The following TMEM117 variants were observed in gnomAD, a reference collection of about 807,000 sequenced individuals.
The protein encoded by TMEM117 is transmembrane protein 117.
TMEM117 carries 27 observed loss-of-function variants against 52.4 expected under a neutral mutation model. The observed-to-expected ratio is 0.51, with a 90% CI of 0.38 to 0.71. The LOEUF (loss-of-function observed/expected upper bound fraction) is 0.71. Among genes scored for constraint, TMEM117 ranks in the 30% least tolerant of loss-of-function variants. The probability of loss-of-function intolerance (pLI) is 0.00; values close to 1 mark genes in which losing one functional copy is unlikely to be tolerated. For synonymous variants in TMEM117, 215 were observed against 206.3 expected (o/e 1.04, Z -0.36); for missense variants, 556 against 630.5 (o/e 0.88, Z 1.26).
At chr12:44,233,817 A>G (rs189208680) in intron 5 of TMEM117, among the ~76,000 whole-genome samples, 29 of 151,550 alleles carry the variant, frequency 1.9e-4, no homozygotes, top group African/African-American at 5.8e-4. Flanking sequence ...TATTAGGTGA[A>G]TATATGCAAG....
At chr12:44,231,756 C>G (rs1469194738) in intron 5 of TMEM117, among the ~76,000 whole-genome samples, 2 of 151,706 alleles carry the variant, frequency 1.3e-5, no homozygotes, top group East Asian at 1.9e-4. Flanking sequence ...AGTGCCTGTT[C>G]AAGTTTCTTG....
intron 5 of TMEM117, among the ~76,000 whole-genome samples, chr12:44,228,912 A>C (rs1949898922): frequency 6.6e-6 from 1 of 152,124 alleles, no homozygotes; most frequent in Non-Finnish European, 1.5e-5. Flanking sequence ...CAACTTTATA[A>C]AATGATTGCT....
intron 5 of TMEM117, among the ~76,000 whole-genome samples, chr12:44,216,713 T>C (rs1047462299): frequency 1.3e-5 from 2 of 152,198 alleles, no homozygotes; most frequent in Admixed American, 1.3e-4. Flanking sequence ...TGTGATGACT[T>C]GGAAGCTCCA....
intron 2 of TMEM117, among the ~76,000 whole-genome samples, chr12:43,937,567 A>C (rs1944972643): frequency 6.6e-6 from 1 of 152,182 alleles, no homozygotes; most frequent in South Asian, 2.1e-4. Flanking sequence ...GCTTCTCGCC[A>C]AATAGGAGGG....
chr12:44,228,955 G>A (rs530519257), intron 5 of TMEM117, among the ~76,000 whole-genome samples: 1 of 152,204 alleles, frequency 6.6e-6, no homozygotes, highest in Non-Finnish European at 1.5e-5. Context: ...ATTATAGGAA[G>A]GCAGTACAAT....
At chr12:43,807,427 CTA>C in the TMEM117 span, among the ~76,000 whole-genome samples, 1 of 152,164 alleles carries the variant, frequency 6.6e-6, no homozygotes, top group Non-Finnish European at 1.5e-5. Flanking sequence ...CAGGAATAAA[CTA>C]AATCTGAGTT....
At chr12:44,212,563 A>T (rs1338485839) in intron 5 of TMEM117, among the ~76,000 whole-genome samples, 1 of 152,140 alleles carries the variant, frequency 6.6e-6, no homozygotes, top group Non-Finnish European at 1.5e-5. Context: ...GTAAGAATGG[A>T]TCTTCTGTCC....
chr12:43,955,137 A>G (rs752336496), intron 3 of TMEM117, among the ~76,000 whole-genome samples: 1 of 152,206 alleles, frequency 6.6e-6, no homozygotes, highest in Admixed American at 6.5e-5. Context: ...ATGCCTCAAA[A>G]TAATAGGAGC....
In TMEM117 at chr12:44,038,033, C is replaced by T. The variant is rs111275133; in HGVS notation, c.410+93691C>T. 9.3e-3 allele frequency among the ~76,000 whole-genome samples: 1,410 copies of T among 152,266 alleles called. 15 individuals are homozygous for T. Among genetic ancestry groups the T allele is most frequent in the Admixed American group, 0.016 (240 of 15,290 alleles). On this transcript the variant is annotated intron_variant, in intron 3 of 7. Coordinates refer to ENST00000266534, the MANE Select transcript of TMEM117 (RefSeq NM_032256.3). ...CACTGAGGGTCTCCTCTTAGCTGTTCTGTCACTCACTAAAGCCCTTCTTTA... is the reference window on the plus strand; with the variant it reads ...CACTGAGGGTCTCCTCTTAGCTGTTTTGTCACTCACTAAAGCCCTTCTTTA...
At chr12:43,975,296 C>G (rs1032397876) in intron 3 of TMEM117, among the ~76,000 whole-genome samples, 2 of 152,236 alleles carry the variant, frequency 1.3e-5, no homozygotes, top group African/African-American at 4.8e-5. Flanking sequence ...GCCCTTGACT[C>G]TATATATTTG....
intron 3 of TMEM117, among the ~76,000 whole-genome samples, chr12:44,095,290 T>A (rs1947738663): frequency 6.6e-6 from 1 of 152,138 alleles, no homozygotes; most frequent in African/African-American, 2.4e-5. Flanking sequence ...TTAATTCTTT[T>A]TGGCTTTTTG....
chr12:43,806,704 C>G, the TMEM117 span, among the ~76,000 whole-genome samples: 1 of 152,216 alleles, frequency 6.6e-6, no homozygotes, highest in African/African-American at 2.4e-5. Flanking sequence ...TTGGTTTACT[C>G]TTCCTATAAT....
chr12:44,320,199 A>G (rs1184954631), intron 6 of TMEM117, among the ~76,000 whole-genome samples: 1 of 152,046 alleles, frequency 6.6e-6, no homozygotes, highest in Non-Finnish European at 1.5e-5. Context: ...AAAATCCAAG[A>G]TTTCTCTTTC....
At position 44,388,795 on chromosome 12, in the gene TMEM117, A is replaced by T. The variant is rs1443265684; in HGVS notation, c.*123A>T. On this transcript the variant is annotated 3_prime_UTR_variant, in exon 8 of 8. Transcript: ENST00000266534. ...TAGGTAAAAATATGAACAATGCCAC[A>T]ACGGTGCTCAACATGCTTTTTCTAG... 9.8e-7 allele frequency: 1 copy of T among 1,015,576 alleles called. No homozygotes were observed. Among genetic ancestry groups the T allele is most frequent in the Admixed American group, 2.6e-5 (1 of 38,582 alleles). The allele number at this position is 1,015,576 out of a possible 1,614,324, so 62.9% of individuals were successfully genotyped here.
intron 4 of TMEM117, among the ~76,000 whole-genome samples, chr12:44,170,550 C>G (rs1949031388): frequency 1.3e-5 from 2 of 152,132 alleles, no homozygotes; most frequent in Admixed American, 1.3e-4. Flanking sequence ...AGACCTCCAA[C>G]TTTATTTTTC....
At chr12:44,245,038 C>G (rs934221747) in intron 5 of TMEM117, among the ~76,000 whole-genome samples, 12 of 151,930 alleles carry the variant, frequency 7.9e-5, no homozygotes, top group African/African-American at 2.9e-4. Flanking sequence ...TGTTCTGTTC[C>G]ATTGGTTGGT....
chr12:43,904,159 C>T (rs182116156), intron 2 of TMEM117, among the ~76,000 whole-genome samples: 8 of 152,256 alleles, frequency 5.3e-5, no homozygotes, highest in East Asian at 3.9e-4. Flanking sequence ...TCCTCAAAAT[C>T]GTTCAATAAA....
the TMEM117 span, among the ~76,000 whole-genome samples, chr12:43,810,765 G>A: frequency 2.0e-5 from 3 of 152,160 alleles, no homozygotes; most frequent in African/African-American, 4.8e-5. Context: ...TAGCCTCATG[G>A]TTGGGATCCA....
chr12:44,125,662 C>T (rs372219777), intron 3 of TMEM117, among the ~76,000 whole-genome samples: 1 of 151,986 alleles, frequency 6.6e-6, no homozygotes, highest in Non-Finnish European at 1.5e-5. Context: ...TTTCAGAAAA[C>T]CAGCTCCTGG....
Sources: gnomAD v4.1 joint callset for allele counts (sites outside exome capture counted in the v4.1 genomes callset) on GRCh38, gnomAD v4.1.1 for gene constraint, MANE v1.5 for transcripts, NCBI Gene and HGNC (gene_info 2026-07-23, HGNC 2026-07-21) for gene names.